Variants in C8orf34 observed in about 807,000 individuals in gnomAD.
C8orf34 encodes the protein chromosome 8 open reading frame 34.
A neutral mutation model predicts 68.3 loss-of-function variants in C8orf34; 65 were observed. That is an observed-to-expected ratio of 0.95 (90% CI 0.78 to 1.17). The LOEUF (loss-of-function observed/expected upper bound fraction) is 1.17. C8orf34 is among the 50% of genes most tolerant of loss of function. C8orf34 has a pLI of 0.00. For missense variants in C8orf34, 664 were observed against 655.4 expected, an observed-to-expected ratio of 1.01 and a Z score of -0.14; for synonymous variants, 244 against 241.2, an observed-to-expected ratio of 1.01 and a Z score of -0.11.
At chr8:68,636,646 T>C (rs1462914979) in intron 7 of C8orf34, among the ~76,000 whole-genome samples, 1 of 152,112 alleles carries the variant, frequency 6.6e-6, no homozygotes, top group Non-Finnish European at 1.5e-5. Context: ...TCACTCTCTT[T>C]TTTGCCAAAA....
intron 8 of C8orf34, among the ~76,000 whole-genome samples, chr8:68,672,424 C>G (rs771406527): frequency 1.5e-4 from 23 of 152,124 alleles, no homozygotes; most frequent in Non-Finnish European, 2.8e-4. Flanking sequence ...TTGGCAGTAG[C>G]CATGTGGCAC....
chr8:68,680,728 T>C (rs1180514098), intron 8 of C8orf34, among the ~76,000 whole-genome samples: 1 of 152,198 alleles, frequency 6.6e-6, no homozygotes, highest in Non-Finnish European at 1.5e-5. Context: ...TAAGGGTCTA[T>C]GTTCAGCAGT....
chr8:68,375,421 T>A (rs945415945), intron 1 of C8orf34, among the ~76,000 whole-genome samples: 2 of 152,166 alleles, frequency 1.3e-5, no homozygotes, highest in Non-Finnish European at 2.9e-5. Flanking sequence ...GTTCTGATAA[T>A]CCCTAACAAA....
At chr8:68,700,931 G>A (rs1820997423) in intron 8 of C8orf34, among the ~76,000 whole-genome samples, 1 of 152,056 alleles carries the variant, frequency 6.6e-6, no homozygotes, top group Non-Finnish European at 1.5e-5. Context: ...TTATGAAAGA[G>A]GCTTTGTGAA....
intron 7 of C8orf34, among the ~76,000 whole-genome samples, chr8:68,618,234 G>T (rs140821374): frequency 4.6e-5 from 7 of 152,040 alleles, no homozygotes; most frequent in Admixed American, 2.0e-4. Context: ...AATACTTAAG[G>T]CCTTTCATTC....
At chr8:68,755,241 A>G (rs1239560927) in intron 10 of C8orf34, among the ~76,000 whole-genome samples, 2 of 152,196 alleles carry the variant, frequency 1.3e-5, no homozygotes, top group Non-Finnish European at 2.9e-5. Context: ...GTCAAGATTC[A>G]GTGATGAGGG....
chr8:68,427,772 C>T (rs1184032880), intron 1 of C8orf34, among the ~76,000 whole-genome samples: 4 of 151,878 alleles, frequency 2.6e-5, no homozygotes, highest in Admixed American at 2.6e-4. Context: ...TATAATTTTT[C>T]AAGATATCAA....
At chr8:68,633,317 CA>C (rs1818744896) in intron 7 of C8orf34, among the ~76,000 whole-genome samples, 2 of 152,170 alleles carry the variant, frequency 1.3e-5, no homozygotes, top group Non-Finnish European at 2.9e-5. Flanking sequence ...TGCCAAAAAA[CA>C]ATATCTGGCA....
intron 7 of C8orf34, among the ~76,000 whole-genome samples, chr8:68,538,938 A>G (rs1159877111): frequency 6.6e-6 from 1 of 152,176 alleles, no homozygotes; most frequent in African/African-American, 2.4e-5. Context: ...TAGGGTAGGA[A>G]TAAGGTGGAA....
intron 10 of C8orf34, among the ~76,000 whole-genome samples, chr8:68,756,057 A>T (rs1016424223): frequency 6.9e-6 from 1 of 145,312 alleles, no homozygotes; most frequent in Non-Finnish European, 1.5e-5. Context: ...ACAGAGTGAG[A>T]CTCTATCTAA....
chr8:68,690,615 T>C (rs972891632), intron 8 of C8orf34, among the ~76,000 whole-genome samples: 27 of 152,106 alleles, frequency 1.8e-4, no homozygotes, highest in African/African-American at 6.5e-4. Flanking sequence ...ACTGAACTCA[T>C]GTATGAGAGC....
At chr8:68,575,956 GTTTT>G (rs59081528) in intron 7 of C8orf34, among the ~76,000 whole-genome samples, 15 of 96,342 alleles carry the variant, frequency 1.6e-4, no homozygotes, top group Admixed American at 3.6e-4. Context: ...GTAGATGGTT[GTTTT>G]TTTTTTTTTT....
At position 68,345,704 on chromosome 8, in the gene C8orf34, T is replaced by C. The variant is rs1224909747; in HGVS notation, c.327+14365T>C. ...ATACATACATACATATATATACATA[T>C]ATACATACATGTGTGTATTTATACA... On this transcript the variant is annotated intron_variant, in intron 1 of 13. Coordinates refer to ENST00000518698, the MANE Select transcript of C8orf34 (RefSeq NM_052958.4). Among the ~76,000 whole-genome samples the C allele has an allele frequency of 2.0e-5, 3 of 151,996 alleles. No individual in the cohort carries two copies. In the East Asian group the frequency reaches 5.8e-4, roughly 29 times the overall value.
intron 9 of C8orf34, among the ~76,000 whole-genome samples, chr8:68,716,958 G>C (rs1165328067): frequency 6.6e-6 from 1 of 151,612 alleles, no homozygotes; most frequent in Non-Finnish European, 1.5e-5. Context: ...CCTGTATGTA[G>C]TTGAAAGGCA....
chr8:68,535,242 A>G (rs1427524294), intron 7 of C8orf34: 1 of 979,162 alleles, frequency 1.0e-6, no homozygotes, highest in Non-Finnish European at 1.2e-6. Context: ...TAGAGTTTAT[A>G]TAGAATCATT....
intron 8 of C8orf34, among the ~76,000 whole-genome samples, chr8:68,652,067 T>C (rs1819376371): frequency 6.6e-6 from 1 of 152,074 alleles, no homozygotes. Context: ...TATTGGAAAA[T>C]CAAGGAACCA....
intron 7 of C8orf34, chr8:68,534,834 G>T (rs138186503): frequency 1.0e-6 from 1 of 985,252 alleles, no homozygotes; most frequent in African/African-American, 1.7e-5. Flanking sequence ...CTGACTGAAG[G>T]TTCTAGTCTC....
intron 5 of C8orf34, among the ~76,000 whole-genome samples, chr8:68,510,974 G>A (rs1302490865): frequency 6.6e-6 from 1 of 152,170 alleles, no homozygotes; most frequent in Non-Finnish European, 1.5e-5. Context: ...ATGAGGGTAT[G>A]AGGCCAGTCT....
In C8orf34 at chr8:68,589,345, A is replaced by G. The variant is rs1028926392; in HGVS notation, c.1106-51031A>G. On this transcript the variant is annotated intron_variant, in intron 7 of 13. Coordinates refer to ENST00000518698, the MANE Select transcript of C8orf34 (RefSeq NM_052958.4). Reference sequence around the variant, plus strand: ...ATATTAAGGATACTAAGATTAATATAGTAAGAATACAGAGAAAGAAAGAAC... The same window carrying G: ...ATATTAAGGATACTAAGATTAATATGGTAAGAATACAGAGAAAGAAAGAAC... 1.2e-4 allele frequency among the ~76,000 whole-genome samples: 19 copies of G among 152,106 alleles called. 1 individual carries two copies. The highest frequency in any genetic ancestry group is 4.6e-4 in the African/African-American group (19 of 41,428).
Sources: allele counts gnomAD v4.1 joint callset (sites outside exome capture counted in the v4.1 genomes callset), GRCh38; gene constraint gnomAD v4.1.1; transcripts MANE v1.5; gene names NCBI Gene and HGNC (gene_info 2026-07-23, HGNC 2026-07-21).